The following WDR43 variants were observed in gnomAD, a reference collection of about 807,000 sequenced individuals.
WDR43 encodes WD repeat domain 43.
WDR43 carries 13 observed loss-of-function variants against 91.4 expected under a neutral mutation model. The observed-to-expected ratio is 0.14, with a 90% CI of 0.09 to 0.23. The LOEUF (loss-of-function observed/expected upper bound fraction) is 0.23, where lower values mean the gene tolerates loss of function less well. Ranked by LOEUF, WDR43 falls within the 10% of genes least tolerant of loss-of-function variation. The pLI is 1.00. For missense variants in WDR43, 780 were observed against 809.4 expected, an observed-to-expected ratio of 0.96 and a Z score of 0.44; for synonymous variants, 331 against 287.9, an observed-to-expected ratio of 1.15 and a Z score of -1.51.
chr2:28,929,358 C>T (rs1307662993), intron 10 of WDR43, among the ~76,000 whole-genome samples: 3 of 151,928 alleles, frequency 2.0e-5, no homozygotes, highest in African/African-American at 4.8e-5. Flanking sequence ...CTTCTTGGGC[C>T]GTTGTTTTTT....
intron 1 of WDR43, among the ~76,000 whole-genome samples, chr2:28,898,429 A>T (rs1291155059): frequency 6.6e-6 from 1 of 152,244 alleles, no homozygotes; most frequent in Non-Finnish European, 1.5e-5. Context: ...TGATTGGCAG[A>T]AATAGAAGTT....
intron 7 of WDR43, 134 bp downstream of exon 7, chr2:28,923,117 A>C: frequency 1.4e-6 from 1 of 737,298 alleles, no homozygotes; most frequent in Non-Finnish European, 2.1e-6. Context: ...TTCTTTATCC[A>C]CATGACTATA....
At chr2:28,903,096 A>C (rs1670608134) in intron 2 of WDR43, among the ~76,000 whole-genome samples, 1 of 152,094 alleles carries the variant, frequency 6.6e-6, no homozygotes, top group Non-Finnish European at 1.5e-5. Flanking sequence ...CTTTCTGTTC[A>C]TCTAGTTTGT....
At chr2:28,936,679 AC>A (rs1671342484) in intron 12 of WDR43, among the ~76,000 whole-genome samples, 1 of 152,164 alleles carries the variant, frequency 6.6e-6, no homozygotes, top group South Asian at 2.1e-4. Context: ...GCTGGCAATC[AC>A]TAAGCTATTT....
Position 28,946,919 on chromosome 2 carries a change from C to T in WDR43, c.*140C>T, listed in dbSNP as rs1671553592. On this transcript the variant is annotated 3_prime_UTR_variant, in exon 18 of 18. Transcript: ENST00000407426. Reference sequence around the variant, plus strand: ...AGTGGATCCCATGCCACTTTGCTGTCCTGAGCACCCCAGACTTGACTGTGT... The same window carrying T: ...AGTGGATCCCATGCCACTTTGCTGTTCTGAGCACCCCAGACTTGACTGTGT... 7 of 876,588 alleles carry T rather than the reference C, an allele frequency of 8.0e-6. No individual in the cohort carries two copies. In the Admixed American group the frequency reaches 1.2e-4, roughly 15 times the overall value. The allele number at this position is 876,588 out of a possible 1,614,324, so 54.3% of individuals were successfully genotyped here. A position where few individuals can be genotyped will look rare whatever the true frequency, so the allele number is the denominator to read the frequency against.
intron 16 of WDR43, 70 bp downstream of exon 16, chr2:28,942,451 T>C (rs535186134): frequency 3.3e-6 from 5 of 1,514,664 alleles, no homozygotes; most frequent in East Asian, 2.3e-5. Flanking sequence ...AGTTCTGTTA[T>C]CTTTTTGAAA....
chr2:28,906,768 AAAAT>A (rs1423442218), intron 3 of WDR43, among the ~76,000 whole-genome samples, 187 bp downstream of exon 3: 1 of 152,256 alleles, frequency 6.6e-6, no homozygotes, highest in Non-Finnish European at 1.5e-5. Context: ...AAATGGTACA[AAAAT>A]AAAGCAACTG....
At chr2:28,902,168 G>A (rs1670588597) in intron 2 of WDR43, 44 bp downstream of exon 2, 1 of 1,513,686 alleles carries the variant, frequency 6.6e-7, no homozygotes, top group East Asian at 2.3e-5. Context: ...TGACAGGGAA[G>A]CTGATTATTA....
At position 28,894,929 on chromosome 2, in the gene WDR43, G is replaced by C; in HGVS notation, c.225+6G>C. The C allele has an allele frequency of 1.3e-6, 2 of 1,571,792 alleles. No individual in the cohort carries two copies. Among genetic ancestry groups the C allele is most frequent in the Non-Finnish European group, 1.7e-6 (2 of 1,159,060 alleles). ...CAGCGCGGCTGCAGGCCAAGGTAAA[G>C]CGAGCGGGACTGCGCGGGGCGGGCG... On this transcript the variant is annotated splice_donor_region_variant and intron_variant, in intron 1 of 17. Coordinates refer to ENST00000407426, the MANE Select transcript of WDR43 (RefSeq NM_015131.3).
chr2:28,918,965 T>G (rs1670967669), intron 6 of WDR43, among the ~76,000 whole-genome samples: 2 of 152,166 alleles, frequency 1.3e-5, no homozygotes. Context: ...TAAAAAAGTG[T>G]TTCAGGGGAA....
chr2:28,916,742 G>A (rs1178648618), intron 5 of WDR43, among the ~76,000 whole-genome samples: 1 of 151,988 alleles, frequency 6.6e-6, no homozygotes, highest in African/African-American at 2.4e-5. Flanking sequence ...TTACTCCTTG[G>A]GGAAATAGCT....
chr2:28,929,332 A>T (rs929655504), intron 10 of WDR43, among the ~76,000 whole-genome samples: 4 of 152,030 alleles, frequency 2.6e-5, no homozygotes, highest in African/African-American at 9.7e-5. Context: ...ATGAATGAAC[A>T]TTTTCAAACT....
Position 28,946,474 on chromosome 2 carries a change from A to G in WDR43, c.1829A>G (p.Asp610Gly), listed in dbSNP as rs1427492193. ...EEESSEEESD[D>G]EIADKDSEDN... ...GAGTCTTCTGAAGAGGAGTCTGATG[A>G]TGAAATAGCAGATAAGGATTCTGAA... The change falls in exon 17 of 18, where the codon GAT (aspartate) becomes GGT (glycine). Residue 610 changes from aspartate (D) to glycine (G), a missense_variant. Physicochemically the swap from Asp to Gly is moderately conservative, Grantham distance 94. Transcript: ENST00000407426. The G allele has an allele frequency of 6.2e-7, 1 of 1,612,062 alleles. No homozygotes were observed. Among genetic ancestry groups the G allele is most frequent in the Non-Finnish European group, 8.5e-7 (1 of 1,179,106 alleles).
At chr2:28,945,008 CAT>C (rs1223884678) in intron 16 of WDR43, among the ~76,000 whole-genome samples, 2 of 152,160 alleles carry the variant, frequency 1.3e-5, no homozygotes, top group Non-Finnish European at 2.9e-5. Context: ...AAAAGGAACA[CAT>C]ATTGGGGGAA....
At position 28,912,607 on chromosome 2, in the gene WDR43, A is replaced by G. The variant is rs139123461; in HGVS notation, c.503A>G (p.Asn168Ser). 4.5e-4 allele frequency: 721 copies of G among 1,613,896 alleles called. 2 individuals carry two copies. The highest frequency in any genetic ancestry group is 5.7e-4 in the Non-Finnish European group (672 of 1,179,836). ...CAATATAGCAAATGGAAAGGCGACA[A>G]TAGCAGTGTCAGTTCCCTATGTATC... ...CKVKCKWKGD[N>S]SSVSSLCISP... Residue 168 changes from asparagine (N) to serine (S), a missense_variant, in exon 4 of 18, where the codon AAT becomes AGT. Coordinates refer to ENST00000407426, the MANE Select transcript of WDR43 (RefSeq NM_015131.3).
chr2:28,947,857 A>G lies in WDR43; in HGVS notation c.*1078A>G, dbSNP rs1191908450. 7.3e-6 allele frequency: 1 copy of G among 136,476 alleles called. No individual in the cohort carries two copies. Among genetic ancestry groups the G allele is most frequent in the African/African-American group, 2.7e-5 (1 of 37,082 alleles). 8.5% of individuals were successfully genotyped at this position (136,476 alleles called of 1,614,324 possible). A position where few individuals can be genotyped will look rare whatever the true frequency, so the allele number is the denominator to read the frequency against. On this transcript the variant is annotated 3_prime_UTR_variant, in exon 18 of 18. Coordinates refer to ENST00000407426, the MANE Select transcript of WDR43 (RefSeq NM_015131.3). ...GCTACAAAAGCCTTTGCAAATTATCAGTAGTAGTTTTTTTTTTTTTTTTTT... is the reference window on the plus strand; with the variant it reads ...GCTACAAAAGCCTTTGCAAATTATCGGTAGTAGTTTTTTTTTTTTTTTTTT...
At chr2:28,901,170 T>C (rs1312820682) in intron 1 of WDR43, among the ~76,000 whole-genome samples, 3 of 152,238 alleles carry the variant, frequency 2.0e-5, no homozygotes, top group African/African-American at 4.8e-5. Flanking sequence ...TAAAAACATA[T>C]AGGCTGGTGA....
At chr2:28,906,973 G>C (rs1389831442) in intron 3 of WDR43, among the ~76,000 whole-genome samples, 1 of 152,086 alleles carries the variant, frequency 6.6e-6, no homozygotes, top group East Asian at 1.9e-4. Flanking sequence ...CAAATGGAGG[G>C]AGACAGGAAT....
chr2:28,923,230 C>T (rs542198233), intron 7 of WDR43, among the ~76,000 whole-genome samples: 16 of 152,266 alleles, frequency 1.1e-4, no homozygotes, highest in African/African-American at 3.1e-4. Flanking sequence ...TCTAATGATA[C>T]ATTTCAGAAG....
Sources: allele counts gnomAD v4.1 joint callset (sites outside exome capture counted in the v4.1 genomes callset), GRCh38; gene constraint gnomAD v4.1.1; transcripts MANE v1.5; gene names NCBI Gene and HGNC (gene_info 2026-07-23, HGNC 2026-07-21).